The following ABHD12 variants were observed in gnomAD, a reference collection of about 807,000 sequenced individuals.
The protein encoded by ABHD12 is lysophosphatidylserine lipase ABHD12.
ABHD12 carries 43 observed loss-of-function variants against 58.3 expected under a neutral mutation model. That is an observed-to-expected ratio of 0.74 (90% CI 0.58 to 0.95). The LOEUF (loss-of-function observed/expected upper bound fraction) is 0.95, where lower values mean the gene tolerates loss of function less well. Ranked by LOEUF, ABHD12 falls within the 40% of genes least tolerant of loss-of-function variation. The pLI, the probability that ABHD12 is intolerant of heterozygous loss-of-function variation, is 0.00. For synonymous variants in ABHD12, 219 were observed against 211.2 expected (o/e 1.04, Z -0.32); for missense variants, 539 against 537.2 (o/e 1.00, Z -0.03).
intron 6 of ABHD12, chr20:25,310,592 C>CAGAG (rs1461169667): frequency 6.5e-6 from 1 of 152,732 alleles, no homozygotes; most frequent in African/African-American, 2.4e-5. Context: ...GGAGGCCATG[C>CAGAG]AGAGGGCTAG....
chr20:25,298,211 G>A (rs2088580642), downstream of ABHD12, among the ~76,000 whole-genome samples: 2 of 152,152 alleles, frequency 1.3e-5, no homozygotes, highest in South Asian at 2.1e-4. Context: ...GGGCAGAAAA[G>A]TTTGCATCTC....
At chr20:25,322,743 C>G (rs3002698) in intron 3 of ABHD12, among the ~76,000 whole-genome samples, 89,877 of 149,996 alleles carry the variant, frequency 0.6, 27,825 homozygotes, top group African/African-American at 0.72. Flanking sequence ...TTTTTTTGGA[C>G]ACAGAGTCTT....
intron 12 of ABHD12, 41 bp from the exon 13 acceptor site, chr20:25,300,925 G>C (rs370904869): frequency 4.4e-6 from 7 of 1,600,108 alleles, no homozygotes; most frequent in East Asian, 4.5e-5. Context: ...TTTGAGCTCA[G>C]ACCAAAGATC....
intron 1 of ABHD12, 110 bp downstream of exon 1, chr20:25,390,403 G>C: frequency 9.1e-7 from 1 of 1,102,696 alleles, no homozygotes; most frequent in Non-Finnish European, 1.2e-6. Flanking sequence ...CGGATCGGGC[G>C]GACGGCCACT....
intron 6 of ABHD12, among the ~76,000 whole-genome samples, chr20:25,309,922 C>CA (rs770739504): frequency 1.2e-4 from 18 of 152,374 alleles, no homozygotes; most frequent in Admixed American, 1.3e-4. Flanking sequence ...GAACAGATCA[C>CA]AGAGCTTCAG....
chr20:25,309,317 G>C, intron 7 of ABHD12, 129 bp downstream of exon 7: 2 of 1,358,598 alleles, frequency 1.5e-6, no homozygotes, highest in Non-Finnish European at 2.1e-6. Flanking sequence ...CATGGGGATG[G>C]GAGCGAGGCT....
chr20:25,308,488 C>T lies in ABHD12; in HGVS notation c.756G>A (p.Ala252=), dbSNP rs1460747798. ...IWGHSLGTGV[A]TNLVRRLCER... The stretch of plus-strand genomic sequence containing the variant: ...CACAGAGGCGCCGCACCAGATTTGT[C>T]GCCACGCTAGGAAAAAAGAAAAACA... Residue 252 remains alanine (A), a synonymous_variant, in exon 8 of 13, where the codon GCG becomes GCA. Coordinates refer to ENST00000339157, the MANE Select transcript of ABHD12 (RefSeq NM_001042472.3). 3 of 1,610,972 alleles carry T rather than the reference C, an allele frequency of 1.9e-6. No individual in the cohort carries two copies. The highest frequency in any genetic ancestry group is 1.1e-5 in the South Asian group (1 of 90,440).
chr20:25,320,499 A>G (rs1364203936), intron 3 of ABHD12, among the ~76,000 whole-genome samples, 181 bp from the exon 4 acceptor site: 3 of 152,216 alleles, frequency 2.0e-5, no homozygotes, highest in African/African-American at 4.8e-5. Flanking sequence ...ACTAGAATCA[A>G]TAACCACGGA....
intron 2 of ABHD12, among the ~76,000 whole-genome samples, chr20:25,329,379 G>A (rs1423915927): frequency 6.6e-6 from 1 of 152,226 alleles, no homozygotes; most frequent in Non-Finnish European, 1.5e-5. Context: ...AAGGCCCACA[G>A]GGCTGCTGGG....
At chr20:25,351,880 A>T (rs181871601) in intron 1 of ABHD12, among the ~76,000 whole-genome samples, 195 of 152,356 alleles carry the variant, frequency 1.3e-3, no homozygotes, top group Admixed American at 3.5e-3. Flanking sequence ...CAGCCTGGGC[A>T]ACAAGAGAGA....
chr20:25,359,220 G>A (rs1427359133), intron 1 of ABHD12, among the ~76,000 whole-genome samples: 1 of 151,160 alleles, frequency 6.6e-6, no homozygotes, highest in Non-Finnish European at 1.5e-5. Flanking sequence ...AGGAGATCGA[G>A]ACCATCCTGG....
chr20:25,309,339 A>G (rs1205894840), intron 7 of ABHD12, 107 bp downstream of exon 7: 7 of 1,549,502 alleles, frequency 4.5e-6, no homozygotes, highest in Non-Finnish European at 6.2e-6. Context: ...GTCGGGACTA[A>G]TGGTGCCACA....
chr20:25,379,387 G>C (rs1160091196), intron 1 of ABHD12, among the ~76,000 whole-genome samples: 1 of 152,178 alleles, frequency 6.6e-6, no homozygotes, highest in Non-Finnish European at 1.5e-5. Context: ...AGATGGCCTT[G>C]CTGCTTATTT....
At chr20:25,336,765 C>T (rs1331028716) in intron 2 of ABHD12, among the ~76,000 whole-genome samples, 1 of 152,220 alleles carries the variant, frequency 6.6e-6, no homozygotes, top group African/African-American at 2.4e-5. Flanking sequence ...GGAAGGGCCT[C>T]ATGTGCTGAT....
intron 3 of ABHD12, among the ~76,000 whole-genome samples, chr20:25,320,923 G>A (rs545652378): frequency 1.3e-5 from 2 of 152,198 alleles, no homozygotes; most frequent in Non-Finnish European, 2.9e-5. Context: ...CTCCTTCAGA[G>A]AGATACTGAG....
chr20:25,295,539 C>T (rs941542983), downstream of ABHD12: 10 of 1,538,214 alleles, frequency 6.5e-6, no homozygotes, highest in Non-Finnish European at 9.0e-6. Flanking sequence ...CTGGGACTCT[C>T]CCCTCGGGAC....
intron 2 of ABHD12, among the ~76,000 whole-genome samples, chr20:25,335,788 C>G (rs1171751528): frequency 1.5e-5 from 2 of 136,640 alleles, no homozygotes; most frequent in African/African-American, 2.8e-5. Context: ...AGGGGAACAT[C>G]ACACTCTGGG....
chr20:25,390,494 G>A lies in ABHD12; in HGVS notation c.191+19C>T, dbSNP rs778395503. On this transcript the variant is annotated intron_variant, in intron 1 of 12. Transcript: ENST00000339157. ...AGGGACCGGCCCCCCCCCCCCCCCC[G>A]CTCCGCGCGAAGCCTCACCTGCCCA... 2 of 768,058 alleles carry A rather than the reference G, an allele frequency of 2.6e-6. No individual in the cohort carries two copies. The highest frequency in any genetic ancestry group is 3.4e-6 in the Non-Finnish European group (2 of 596,604). 47.6% of individuals were successfully genotyped at this position (768,058 alleles called of 1,614,324 possible).
chr20:25,295,815 GTGCCTGCCTTT>G, downstream of ABHD12: 1 of 910,348 alleles, frequency 1.1e-6, no homozygotes, highest in Admixed American at 2.1e-5. Flanking sequence ...TCAGTCGGCT[GTGCCTGCCTTT>G]AGGGAAGCTG....
Sources: allele counts gnomAD v4.1 joint callset (sites outside exome capture counted in the v4.1 genomes callset), GRCh38; gene constraint gnomAD v4.1.1; transcripts MANE v1.5; gene names NCBI Gene and HGNC (gene_info 2026-07-23, HGNC 2026-07-21).